NEDD9: variants seen among roughly 807,000 people sequenced by gnomAD.
The protein encoded by NEDD9 is enhancer of filamentation 1.
NEDD9 carries 26 observed loss-of-function variants against 76.6 expected under a neutral mutation model. That is an observed-to-expected ratio of 0.34 (90% CI 0.25 to 0.47). NEDD9 has a LOEUF of 0.47. Among genes scored for constraint, NEDD9 ranks in the 20% least tolerant of loss-of-function variants. The pLI, the probability that NEDD9 is intolerant of heterozygous loss-of-function variation, is 1.00. For synonymous variants in NEDD9, 392 were observed against 414.2 expected (o/e 0.95, Z 0.65); for missense variants, 937 against 1,058.5 (o/e 0.89, Z 1.59).
intron 1 of NEDD9, among the ~76,000 whole-genome samples, chr6:11,360,277 G>T (rs913337658): frequency 6.6e-6 from 1 of 152,232 alleles, no homozygotes; most frequent in Non-Finnish European, 1.5e-5. Flanking sequence ...AGAAAGCATT[G>T]TAGAGCAGAA....
At chr6:11,381,416 A>G (rs1763061551) in intron 1 of NEDD9, among the ~76,000 whole-genome samples, 1 of 152,246 alleles carries the variant, frequency 6.6e-6, no homozygotes, top group Admixed American at 6.5e-5. Flanking sequence ...ATGATTACAG[A>G]TGGTCTTCAT....
At chr6:11,289,532 AACCCCC>A (rs571170515) in intron 3 of NEDD9, among the ~76,000 whole-genome samples, 277 of 152,218 alleles carry the variant, frequency 1.8e-3, no homozygotes, top group Non-Finnish European at 3.3e-3. Context: ...GGCTCACCTC[AACCCCC>A]ACCTCCCGGG....
At chr6:11,380,889 G>A (rs1763050457) in intron 1 of NEDD9, among the ~76,000 whole-genome samples, 1 of 152,034 alleles carries the variant, frequency 6.6e-6, no homozygotes, top group Non-Finnish European at 1.5e-5. Context: ...GCTCACTGCA[G>A]CCTCGACCTC....
At chr6:11,275,053 A>G (rs1453917010) in intron 3 of NEDD9, among the ~76,000 whole-genome samples, 1 of 152,254 alleles carries the variant, frequency 6.6e-6, no homozygotes, top group East Asian at 1.9e-4. Flanking sequence ...TAGATAGTAG[A>G]ATACTACATA....
At chr6:11,326,248 C>T (rs1373932390) in intron 2 of NEDD9, among the ~76,000 whole-genome samples, 3 of 152,058 alleles carry the variant, frequency 2.0e-5, no homozygotes, top group Admixed American at 1.3e-4. Context: ...GGGTATTTAG[C>T]TCTGCTGTGA....
intron 1 of NEDD9, among the ~76,000 whole-genome samples, chr6:11,357,352 G>A (rs1037299173): frequency 7.9e-5 from 12 of 152,224 alleles, no homozygotes; most frequent in Admixed American, 2.6e-4. Flanking sequence ...ACAGCGGCAG[G>A]CAGCTTGGCA....
At chr6:11,280,256 A>G (rs1760508227) in intron 3 of NEDD9, among the ~76,000 whole-genome samples, 1 of 152,160 alleles carries the variant, frequency 6.6e-6, no homozygotes, top group South Asian at 2.1e-4. Context: ...TTCCAATTCC[A>G]TCAGACACTG....
At chr6:11,210,034 C>T (rs1758730204) in intron 2 of NEDD9, among the ~76,000 whole-genome samples, 1 of 143,150 alleles carries the variant, frequency 7.0e-6, no homozygotes, top group African/African-American at 2.6e-5. Flanking sequence ...CTTCGGAAGC[C>T]CACAGTCTGT....
At chr6:11,259,632 A>G (rs1221779742) in intron 3 of NEDD9, among the ~76,000 whole-genome samples, 2 of 152,194 alleles carry the variant, frequency 1.3e-5, no homozygotes, top group African/African-American at 4.8e-5. Context: ...AGAAAAAACC[A>G]CCTTACAAAA....
intron 1 of NEDD9, among the ~76,000 whole-genome samples, chr6:11,366,232 C>T (rs1331342871): frequency 2.2e-5 from 3 of 138,260 alleles, no homozygotes; most frequent in South Asian, 2.2e-4. Context: ...TGCAGTGAGC[C>T]GAGATTGTGC....
chr6:11,281,071 A>G (rs1760526966), intron 3 of NEDD9, among the ~76,000 whole-genome samples: 1 of 152,264 alleles, frequency 6.6e-6, no homozygotes, highest in African/African-American at 2.4e-5. Context: ...TGGCTGAGAG[A>G]TAATGAATAT....
chr6:11,304,707 C>T (rs539463176), intron 3 of NEDD9, among the ~76,000 whole-genome samples: 2 of 152,254 alleles, frequency 1.3e-5, no homozygotes, highest in South Asian at 2.1e-4. Flanking sequence ...ATCACAAGGA[C>T]AGAAAACCAA....
At chr6:11,327,489 G>A (rs1761951447) in intron 2 of NEDD9, among the ~76,000 whole-genome samples, 1 of 152,178 alleles carries the variant, frequency 6.6e-6, no homozygotes. Context: ...AATGATAATA[G>A]CTTTTGAGTC....
intron 1 of NEDD9, among the ~76,000 whole-genome samples, chr6:11,359,808 T>C (rs1168982300): frequency 1.3e-5 from 2 of 152,228 alleles, no homozygotes; most frequent in Non-Finnish European, 2.9e-5. Context: ...GTTCTCCTGT[T>C]GAAGGAGTTT....
At chr6:11,256,800 T>C (rs1431801547) in intron 3 of NEDD9, among the ~76,000 whole-genome samples, 1 of 152,228 alleles carries the variant, frequency 6.6e-6, no homozygotes, top group Non-Finnish European at 1.5e-5. Flanking sequence ...CTGGATTCAA[T>C]AGAGCCTTTG....
At chr6:11,350,817 T>C (rs1157769291) in intron 1 of NEDD9, among the ~76,000 whole-genome samples, 1 of 151,830 alleles carries the variant, frequency 6.6e-6, no homozygotes, top group African/African-American at 2.4e-5. Context: ...CTGATACACA[T>C]AGCGTAGGTA....
intron 2 of NEDD9, chr6:11,200,915 G>A (rs1758429666): frequency 6.2e-6 from 10 of 1,611,850 alleles, no homozygotes; most frequent in African/African-American, 1.3e-5. Context: ...AGAGAAAGAC[G>A]GCAAGCCTCC....
intron 4 of NEDD9, 64 bp downstream of exon 4, chr6:11,192,270 CTCCCAACCCTG>C: frequency 6.3e-6 from 2 of 316,128 alleles, no homozygotes; most frequent in East Asian, 1.0e-4. Context: ...CTTACCCACC[CTCCCAACCCTG>C]CACCCCCCGA....
chr6:11,353,329 C>T (rs1361609733), intron 1 of NEDD9, among the ~76,000 whole-genome samples: 2 of 152,150 alleles, frequency 1.3e-5, no homozygotes, highest in South Asian at 2.1e-4. Flanking sequence ...AAGGTGAGCC[C>T]TGATACAATA....
Sources: gnomAD v4.1 joint callset for allele counts (sites outside exome capture counted in the v4.1 genomes callset) on GRCh38, gnomAD v4.1.1 for gene constraint, MANE v1.5 for transcripts, NCBI Gene and HGNC (gene_info 2026-07-23, HGNC 2026-07-21) for gene names.